SPMIP2: variants seen among roughly 807,000 people sequenced by gnomAD.
The protein encoded by SPMIP2 is sperm microtubule inner protein 2, also known as protein SPMIP2.
the SPMIP2 span, among the ~76,000 whole-genome samples, chr4:158,895,424 T>C: frequency 1.3e-5 from 2 of 152,330 alleles, no homozygotes; most frequent in East Asian, 1.9e-4. Flanking sequence ...AAGTTCTTAA[T>C]ATGGGAAAGG....
At chr4:158,997,640 C>T in the SPMIP2 span, among the ~76,000 whole-genome samples, 1 of 152,096 alleles carries the variant, frequency 6.6e-6, no homozygotes, top group African/African-American at 2.4e-5. Context: ...CCTCCATATT[C>T]AAGCTCTTTA....
the SPMIP2 span, among the ~76,000 whole-genome samples, chr4:159,030,405 C>A: frequency 6.6e-6 from 1 of 150,768 alleles, no homozygotes; most frequent in Admixed American, 6.6e-5. Flanking sequence ...AGAGTGAGAC[C>A]CTCCCTCAAA....
the SPMIP2 span, among the ~76,000 whole-genome samples, chr4:159,049,398 AG>A: frequency 2.0e-5 from 3 of 152,252 alleles, no homozygotes. Context: ...GATGAGATCA[AG>A]ATTCGCAAAG....
At chr4:158,986,479 C>T in the SPMIP2 span, among the ~76,000 whole-genome samples, 4 of 151,400 alleles carry the variant, frequency 2.6e-5, no homozygotes, top group East Asian at 3.9e-4. Flanking sequence ...GAAATAACAC[C>T]GCATATCTAC....
At chr4:159,073,791 C>T in the SPMIP2 span, among the ~76,000 whole-genome samples, 1 of 152,236 alleles carries the variant, frequency 6.6e-6, no homozygotes, top group African/African-American at 2.4e-5. Flanking sequence ...CACCTGAGGT[C>T]GGGAGTTCAA....
the SPMIP2 span, among the ~76,000 whole-genome samples, chr4:158,988,254 C>T: frequency 6.6e-6 from 1 of 152,108 alleles, no homozygotes; most frequent in East Asian, 1.9e-4. Flanking sequence ...TAATTAATAG[C>T]CTGCCAACCA....
chr4:159,064,892 A>G, the SPMIP2 span, among the ~76,000 whole-genome samples: 1 of 152,352 alleles, frequency 6.6e-6, no homozygotes, highest in Admixed American at 6.5e-5. Flanking sequence ...TATTGAGGGA[A>G]TAAAAGGAAG....
the SPMIP2 span, chr4:159,007,862 A>C: frequency 1.9e-6 from 1 of 532,798 alleles, no homozygotes; most frequent in Non-Finnish European, 3.7e-6. Context: ...AAAATAAATG[A>C]CCTATATGTT....
At chr4:158,955,645 A>G in the SPMIP2 span, among the ~76,000 whole-genome samples, 1 of 152,222 alleles carries the variant, frequency 6.6e-6, no homozygotes, top group Admixed American at 6.5e-5. Flanking sequence ...ACCTCAGGTG[A>G]TCTGCCTGCC....
At chr4:158,926,354 C>A in the SPMIP2 span, among the ~76,000 whole-genome samples, 9 of 151,838 alleles carry the variant, frequency 5.9e-5, no homozygotes, top group African/African-American at 2.2e-4. Context: ...GCATTACCTT[C>A]GCTGCATCCC....
chr4:158,995,789 G>A, the SPMIP2 span, among the ~76,000 whole-genome samples: 50,093 of 148,548 alleles, frequency 0.34, 8,985 homozygotes, highest in Middle Eastern at 0.41. Flanking sequence ...CCCGGGAGAC[G>A]GAGGTTGCAG....
At chr4:158,928,688 G>A in the SPMIP2 span, among the ~76,000 whole-genome samples, 1 of 152,138 alleles carries the variant, frequency 6.6e-6, no homozygotes, top group African/African-American at 2.4e-5. Flanking sequence ...CACAGTGGAA[G>A]CTTTGTTCTT....
the SPMIP2 span, among the ~76,000 whole-genome samples, chr4:158,899,599 A>G: frequency 6.6e-6 from 1 of 152,212 alleles, no homozygotes; most frequent in African/African-American, 2.4e-5. Flanking sequence ...GTGCCCAGGA[A>G]TTTATCCATT....
At chr4:158,940,714 A>C in the SPMIP2 span, among the ~76,000 whole-genome samples, 2 of 152,170 alleles carry the variant, frequency 1.3e-5, no homozygotes, top group African/African-American at 2.4e-5. Flanking sequence ...AAAATAATGT[A>C]ACCAGTTTGT....
the SPMIP2 span, among the ~76,000 whole-genome samples, chr4:158,975,579 T>C: frequency 2.6e-5 from 4 of 152,256 alleles, no homozygotes; most frequent in African/African-American, 9.6e-5. Flanking sequence ...TGCTTGTTTT[T>C]GTCAGGTCTG....
At chr4:159,068,849 A>G in the SPMIP2 span, among the ~76,000 whole-genome samples, 5 of 152,178 alleles carry the variant, frequency 3.3e-5, no homozygotes, top group Non-Finnish European at 7.3e-5. Context: ...AAGCAATGAT[A>G]ATTAGAATTG....
the SPMIP2 span, among the ~76,000 whole-genome samples, chr4:158,950,289 T>C: frequency 6.6e-6 from 1 of 152,196 alleles, no homozygotes; most frequent in East Asian, 1.9e-4. Context: ...TATTGAAAAA[T>C]TCACCCATGG....
chr4:158,995,034 T>C, the SPMIP2 span, among the ~76,000 whole-genome samples: 3 of 152,244 alleles, frequency 2.0e-5, no homozygotes, highest in Non-Finnish European at 4.4e-5. Flanking sequence ...TAAAGCATCC[T>C]TGCTACATAC....
chr4:159,006,843 G>A, the SPMIP2 span, among the ~76,000 whole-genome samples: 1 of 152,158 alleles, frequency 6.6e-6, no homozygotes, highest in African/African-American at 2.4e-5. Flanking sequence ...GAGTCAAAGT[G>A]GCAAGCATTG....
Sources: gnomAD v4.1 joint callset for allele counts (sites outside exome capture counted in the v4.1 genomes callset) on GRCh38, gnomAD v4.1.1 for gene constraint, MANE v1.5 for transcripts, NCBI Gene and HGNC (gene_info 2026-07-23, HGNC 2026-07-21) for gene names.